The following KDM4C variants were observed in gnomAD, a reference collection of about 807,000 sequenced individuals.
KDM4C encodes lysine demethylase 4C.
A neutral mutation model predicts 129.3 loss-of-function variants in KDM4C; 81 were observed. The observed-to-expected ratio is 0.63, with a 90% CI of 0.52 to 0.75. The LOEUF (loss-of-function observed/expected upper bound fraction) is 0.75. KDM4C is among the 30% of genes least tolerant of loss of function. The pLI is 0.00. For missense variants in KDM4C, 1,457 were observed against 1,304.0 expected (o/e 1.12, Z -1.81); for synonymous variants, 573 against 456.1 (o/e 1.26, Z -3.26).
intron 8 of KDM4C, among the ~76,000 whole-genome samples, chr9:6,947,278 G>C (rs1321965678): frequency 6.6e-6 from 1 of 152,112 alleles, no homozygotes; most frequent in Non-Finnish European, 1.5e-5. Flanking sequence ...TATTGGTAAA[G>C]AATGGAAATT....
At chr9:6,860,553 A>C (rs1023134734) in intron 5 of KDM4C, among the ~76,000 whole-genome samples, 15 of 151,952 alleles carry the variant, frequency 9.9e-5, no homozygotes, top group African/African-American at 3.6e-4. Flanking sequence ...CCTACAACCA[A>C]CCCCCATGAC....
intron 5 of KDM4C, among the ~76,000 whole-genome samples, chr9:6,863,028 TG>T (rs1426816439): frequency 2.6e-5 from 4 of 152,276 alleles, no homozygotes; most frequent in Non-Finnish European, 5.9e-5. Flanking sequence ...ATACCTATTT[TG>T]GGGTACACAT....
At chr9:6,865,819 C>G (rs1841854903) in intron 5 of KDM4C, among the ~76,000 whole-genome samples, 1 of 152,100 alleles carries the variant, frequency 6.6e-6, no homozygotes, top group East Asian at 1.9e-4. Flanking sequence ...GGCGCAATCT[C>G]TGCTCACTGC....
At chr9:7,117,978 A>G (rs539746837) in intron 18 of KDM4C, among the ~76,000 whole-genome samples, 2 of 152,336 alleles carry the variant, frequency 1.3e-5, no homozygotes, top group African/African-American at 4.8e-5. Context: ...AGCAGGTGGT[A>G]TGTTCCTGTT....
chr9:6,964,802 C>A lies in KDM4C; in HGVS notation c.922-16123C>A, dbSNP rs1181942572. ...GTCTCAAAAAAAAAAAAAAAAAAAACCACAGACTGGGCGCAGTAGCACATG... is the reference window on the plus strand; with the variant it reads ...GTCTCAAAAAAAAAAAAAAAAAAAAACACAGACTGGGCGCAGTAGCACATG... On this transcript the variant is annotated intron_variant, in intron 8 of 21. Transcript: ENST00000381309. Among the ~76,000 whole-genome samples the A allele has an allele frequency of 4.8e-3, 411 of 84,838 alleles. 5 individuals carry two copies. Among genetic ancestry groups the A allele is most frequent in the African/African-American group, 0.018 (372 of 21,118 alleles). 55.7% of individuals were successfully genotyped at this position (84,838 alleles called of 152,430 possible). A position where few individuals can be genotyped will look rare whatever the true frequency, so the allele number is the denominator to read the frequency against.
intron 8 of KDM4C, among the ~76,000 whole-genome samples, chr9:6,903,340 T>C (rs1817725859): frequency 6.6e-6 from 1 of 152,190 alleles, no homozygotes. Context: ...TTTTCAAACT[T>C]ATATAATGAT....
intron 8 of KDM4C, among the ~76,000 whole-genome samples, chr9:6,951,265 T>G: frequency 6.6e-6 from 1 of 152,212 alleles, no homozygotes; most frequent in East Asian, 1.9e-4. Flanking sequence ...ACACTAGAAC[T>G]TATTGCTTCT....
intron 17 of KDM4C, among the ~76,000 whole-genome samples, chr9:7,055,349 T>A (rs1830729830): frequency 1.3e-5 from 2 of 152,210 alleles, no homozygotes; most frequent in Admixed American, 6.5e-5. Flanking sequence ...AATTTTGGAA[T>A]AGCAGGATTT....
upstream of KDM4C, among the ~76,000 whole-genome samples, chr9:6,754,486 T>G (rs1005152618): frequency 6.6e-6 from 1 of 152,190 alleles, no homozygotes; most frequent in Non-Finnish European, 1.5e-5. Context: ...GTGCTGAGAT[T>G]AGAGGCATGA....
chr9:6,938,893 A>G (rs1238989520), intron 8 of KDM4C, among the ~76,000 whole-genome samples: 1 of 152,102 alleles, frequency 6.6e-6, no homozygotes, highest in East Asian at 1.9e-4. Flanking sequence ...TAACTTACTC[A>G]TGTTTCATTT....
chr9:7,093,593 G>A lies in KDM4C; in HGVS notation c.2425-10092G>A, dbSNP rs1451867215. Among the ~76,000 whole-genome samples, 3 of 152,078 alleles carry A rather than the reference G, an allele frequency of 2.0e-5. No individual in the cohort carries two copies. The East Asian group carries it at 5.8e-4, about 29-fold the overall frequency. ...TCTTCATCTGGGTTTTTTTGTGTGTGTGTCCTGGACTCCTTTGGCAGTTTT... is the reference window on the plus strand; with the variant it reads ...TCTTCATCTGGGTTTTTTTGTGTGTATGTCCTGGACTCCTTTGGCAGTTTT... On this transcript the variant is annotated intron_variant, in intron 17 of 21. Transcript: ENST00000381309.
At chr9:7,025,336 T>A (rs998521518) in intron 15 of KDM4C, among the ~76,000 whole-genome samples, 1 of 152,170 alleles carries the variant, frequency 6.6e-6, no homozygotes, top group Non-Finnish European at 1.5e-5. Context: ...TGTCTTTTGA[T>A]TTGAGAGTTT....
At chr9:7,095,568 C>A (rs1836325104) in intron 17 of KDM4C, among the ~76,000 whole-genome samples, 1 of 151,836 alleles carries the variant, frequency 6.6e-6, no homozygotes, top group Non-Finnish European at 1.5e-5. Context: ...GTAAGCCAGC[C>A]TTCCTAAATT....
chr9:6,949,034 G>C (rs1412341784), intron 8 of KDM4C, among the ~76,000 whole-genome samples: 1 of 151,908 alleles, frequency 6.6e-6, no homozygotes, highest in African/African-American at 2.4e-5. Context: ...GGGCAGAGGG[G>C]CTCCTCACTT....
At chr9:6,762,533 C>T (rs1375877393) in intron 1 of KDM4C, among the ~76,000 whole-genome samples, 11 of 151,518 alleles carry the variant, frequency 7.3e-5, no homozygotes, top group Non-Finnish European at 1.2e-4. Context: ...GTCACAGTAT[C>T]TTTTTTATCG....
Position 6,955,815 on chromosome 9 carries a change from A to T in KDM4C, c.922-25110A>T, listed in dbSNP as rs79019363. Among the ~76,000 whole-genome samples, 19 of 152,350 alleles carry T rather than the reference A, an allele frequency of 1.2e-4. No individual in the cohort carries two copies. In the East Asian group the frequency reaches 3.7e-3, roughly 29 times the overall value. ...ATTTGATGTATTAACTTTAATTTCC[A>T]GAGCAAGTCACTAACCGCAGATGGA... On this transcript the variant is annotated intron_variant, in intron 8 of 21. Transcript: ENST00000381309.
chr9:7,037,415 A>G (rs73639911), intron 15 of KDM4C, among the ~76,000 whole-genome samples: 4 of 152,164 alleles, frequency 2.6e-5, no homozygotes, highest in Non-Finnish European at 5.9e-5. Context: ...CAAATAATGA[A>G]CAACTGTGAC....
upstream of KDM4C, among the ~76,000 whole-genome samples, chr9:6,756,618 G>C (rs1224023743): frequency 6.6e-6 from 1 of 152,238 alleles, no homozygotes; most frequent in African/African-American, 2.4e-5. Context: ...TCGGGAGGCT[G>C]AGGCAGGAGA....
upstream of KDM4C, among the ~76,000 whole-genome samples, chr9:6,757,014 C>T (rs1262898049): frequency 1.3e-5 from 2 of 152,122 alleles, no homozygotes; most frequent in East Asian, 1.9e-4. Context: ...CCACAAGGGA[C>T]CCAGCTGGGA....
Sources: allele counts gnomAD v4.1 joint callset (sites outside exome capture counted in the v4.1 genomes callset), GRCh38; gene constraint gnomAD v4.1.1; transcripts MANE v1.5; gene names NCBI Gene and HGNC (gene_info 2026-07-23, HGNC 2026-07-21).